The following ZNF12 variants were observed in gnomAD, a reference collection of about 807,000 sequenced individuals.
ZNF12 encodes the protein zinc finger protein 12.
A neutral mutation model predicts 66.6 loss-of-function variants in ZNF12; 34 were observed. The observed-to-expected ratio is 0.51, with a 90% CI of 0.39 to 0.68. The LOEUF is 0.68. Among genes scored for constraint, ZNF12 ranks in the 30% least tolerant of loss-of-function variants. The pLI, the probability that ZNF12 is intolerant of heterozygous loss-of-function variation, is 0.00. For synonymous variants in ZNF12, 320 were observed against 278.9 expected (o/e 1.15, Z -1.47); for missense variants, 697 against 826.9 (o/e 0.84, Z 1.93).
In ZNF12 at chr7:6,706,714, C is replaced by A. The variant is rs1230984766; in HGVS notation, c.-333G>T. 6.4e-5 allele frequency: 16 copies of A among 250,298 alleles called. No individual in the cohort carries two copies. Among genetic ancestry groups the A allele is most frequent in the Non-Finnish European group, 9.4e-5 (12 of 128,012 alleles). 15.5% of individuals were successfully genotyped at this position (250,298 alleles called of 1,614,324 possible). On this transcript the variant is annotated 5_prime_UTR_variant, in exon 1 of 5. Transcript: ENST00000405858. ...GGTCCCGCCGCCCCTTCGCCTCCGC[C>A]GTCGTCACCGCCCGGCCGGCCCCTT...
chr7:6,691,814 TG>T lies in ZNF12; in HGVS notation c.1127del (p.Ser376Ter). The T allele has an allele frequency of 6.2e-7, 1 of 1,614,132 alleles. No individual in the cohort carries two copies. The highest frequency in any genetic ancestry group is 8.5e-7 in the Non-Finnish European group (1 of 1,179,968). On this transcript the variant is annotated frameshift_variant, in exon 5 of 5. Coordinates refer to ENST00000405858, the MANE Select transcript of ZNF12 (RefSeq NM_016265.4). LOFTEE classifies it high-confidence loss of function. ...THLTQHQRTH[S>X]GERPYVCHDC... Reference sequence around the variant, plus strand: ...CATGACAAACATAAGGTCTCTCTCCTGAATGTGTTCTCTGATGTTGTGTGAG... The same window carrying T: ...CATGACAAACATAAGGTCTCTCTCCTAATGTGTTCTCTGATGTTGTGTGAG...
chr7:6,703,809 A>G (rs1780298667), intron 2 of ZNF12, among the ~76,000 whole-genome samples: 1 of 152,234 alleles, frequency 6.6e-6, no homozygotes, highest in African/African-American at 2.4e-5. Flanking sequence ...AGGCAAGAAG[A>G]GAAAGGGCAC....
Position 6,692,488 on chromosome 7 carries a change from C to T in ZNF12, c.454G>A (p.Glu152Lys). ...TAGCTTCCATCACTACTAATATATT[C>T]TGAAACAGACGTTAAACACTTTTCA... ...SCEKCLTSVS[E>K]YISSDGSYAR... is the part of the protein sequence containing the mutation. Residue 152 changes from glutamate (E) to lysine (K), a missense_variant, in exon 5 of 5, where the codon GAA (glutamate) becomes AAA (lysine). Glu to Lys is a moderately conservative substitution (Grantham distance 56). This residue lies in a region of ZNF12 where 241 missense variants were observed against 224.0 expected (regional missense o/e 1.08). Transcript: ENST00000405858. The surrounding 1 kb of genome is among the most constrained non-coding windows in gnomAD (Gnocchi z 5.1). 1 of 1,613,196 alleles carries T rather than the reference C, an allele frequency of 6.2e-7. No individual in the cohort carries two copies. The highest frequency in any genetic ancestry group is 8.5e-7 in the Non-Finnish European group (1 of 1,179,634).
chr7:6,695,654 C>T (rs538418532), intron 4 of ZNF12, among the ~76,000 whole-genome samples: 1 of 152,340 alleles, frequency 6.6e-6, no homozygotes, highest in African/African-American at 2.4e-5. Context: ...TAACATGCCC[C>T]TTTCCTTACA....
Position 6,700,121 on chromosome 7 carries a change from T to A in ZNF12, c.16-2310A>T, listed in dbSNP as rs138715995. The stretch of plus-strand genomic sequence containing the variant: ...TAACACAGTGAAACCCCGTCTCTAC[T>A]AAAAATACAAAAAATTAGCCGGGCG... On this transcript the variant is annotated intron_variant, in intron 2 of 4. Transcript: ENST00000405858. 5.0e-3 allele frequency among the ~76,000 whole-genome samples: 753 copies of A among 150,848 alleles called. 1 individual carries two copies. Among genetic ancestry groups the A allele is most frequent in the Non-Finnish European group, 7.8e-3 (527 of 67,710 alleles).
In ZNF12 at chr7:6,697,824, C is replaced by T. The variant is rs753318461; in HGVS notation, c.16-13G>A. On this transcript the variant is annotated splice_polypyrimidine_tract_variant and intron_variant, in intron 2 of 4. Coordinates refer to ENST00000405858, the MANE Select transcript of ZNF12 (RefSeq NM_016265.4). The surrounding 1 kb of genome is among the most constrained non-coding windows in gnomAD (Gnocchi z 6.1). ...ATGACACTGGCCCCTGAAATGGCAC[C>T]GTGATTGGAATTGGGTGACGTGAAA... 1.7e-5 allele frequency: 28 copies of T among 1,613,862 alleles called. No homozygotes were observed. Among genetic ancestry groups the T allele is most frequent in the Admixed American group, 5.0e-5 (3 of 59,982 alleles).
rs1428273958 is a variant in ZNF12 at position 6,705,717 on chromosome 7, C to T, written c.-50-494G>A. Among the ~76,000 whole-genome samples, 1 of 148,554 alleles carries T rather than the reference C, an allele frequency of 6.7e-6. No homozygotes were observed. Among genetic ancestry groups the T allele is most frequent in the Admixed American group, 6.6e-5 (1 of 15,044 alleles). ...CTGGGCAACAAAGCGAAACTTGTCT[C>T]AAAAACAAACAAACAAACAAACAAA... On this transcript the variant is annotated intron_variant, in intron 1 of 4. Coordinates refer to ENST00000405858, the MANE Select transcript of ZNF12 (RefSeq NM_016265.4). This position sits in a 1 kb window ranked among gnomAD's most constrained non-coding sequence, Gnocchi z 4.0.
rs1353950552 is a variant in ZNF12 at position 6,692,189 on chromosome 7, G to C, written c.753C>G (p.Leu251=). 6.2e-7 allele frequency: 1 copy of C among 1,614,050 alleles called. No individual in the cohort carries two copies. The highest frequency in any genetic ancestry group is 1.1e-5 in the South Asian group (1 of 91,078). ...YKWNGSEIAF[L]QMSDLTVHQT... ...GATGTACAGTGAGGTCCGACATCTGGAGAAAGGCTATTTCAGATCCATTCC... is the reference window on the plus strand; with the variant it reads ...GATGTACAGTGAGGTCCGACATCTGCAGAAAGGCTATTTCAGATCCATTCC... The change falls in exon 5 of 5, where the codon CTC becomes CTG. Residue 251 remains leucine (L), a synonymous_variant. Transcript: ENST00000405858. This position sits in a 1 kb window ranked among gnomAD's most constrained non-coding sequence, Gnocchi z 5.1.
chr7:6,703,627 G>T (rs543545047), intron 2 of ZNF12, among the ~76,000 whole-genome samples: 86 of 152,208 alleles, frequency 5.7e-4, no homozygotes, highest in African/African-American at 1.9e-3. Flanking sequence ...GGGGTCCTTT[G>T]GACACACTCC....
chr7:6,704,230 T>C (rs1357074473), intron 2 of ZNF12: 1 of 151,218 alleles, frequency 6.6e-6, no homozygotes, highest in Non-Finnish European at 1.5e-5. Flanking sequence ...TCGCAGCTAC[T>C]CGGGAGGCTA....
At chr7:6,695,162 G>A (rs201921423) in intron 4 of ZNF12, among the ~76,000 whole-genome samples, 6 of 152,278 alleles carry the variant, frequency 3.9e-5, no homozygotes, top group African/African-American at 1.2e-4. Context: ...TGATCTGCCC[G>A]CCTCGGCCTC....
Position 6,697,434 on chromosome 7 carries a change from C to G in ZNF12, c.143G>C (p.Gly48Ala). 6.2e-7 allele frequency: 1 copy of G among 1,610,406 alleles called. No individual in the cohort carries two copies. Among genetic ancestry groups the G allele is most frequent in the Non-Finnish European group, 8.5e-7 (1 of 1,178,212 alleles). Residue 48 changes from glycine (G) to alanine (A), a missense_variant and splice_region_variant, in exon 4 of 5, where the codon GGG (glycine) becomes GCG (alanine). Around this residue, in one of 3 missense-constraint regions of ZNF12, gnomAD observed 55 missense variants for 83.9 expected, o/e 0.66. Coordinates refer to ENST00000405858, the MANE Select transcript of ZNF12 (RefSeq NM_016265.4). The surrounding 1 kb of genome is among the most constrained non-coding windows in gnomAD (Gnocchi z 6.1). The part of the protein sequence containing the change: ...LENYSNLVSV[G>A]YHIIKPDVIS... The stretch of plus-strand genomic sequence containing the variant: ...AACATCCGGTTTGATAATGTGATAC[C>G]CTGTTAATGAGAAATGAAAGAGAAC...
In ZNF12 at chr7:6,691,487, T is replaced by C. The variant is rs1319584552; in HGVS notation, c.1455A>G (p.Arg485=). 1 of 1,613,662 alleles carries C rather than the reference T, an allele frequency of 6.2e-7. No individual in the cohort carries two copies. ...YLNSALMRHQ[R]VHTGEKPYEC... ...CGTAAGGTTTCTCTCCTGTGTGCAC[T>C]CTCTGATGTCTCATGAGGGCTGAAT... Residue 485 remains arginine (R), a synonymous_variant, in exon 5 of 5, where the codon AGA becomes AGG. Coordinates refer to ENST00000405858, the MANE Select transcript of ZNF12 (RefSeq NM_016265.4).
Position 6,691,828 on chromosome 7 carries a change from G to A in ZNF12, c.1114C>T (p.Gln372Ter). The change falls in exon 5 of 5, where the codon CAG becomes TAG. Residue 372 changes from glutamine to a stop codon, truncating the protein, a stop_gained. Coordinates refer to ENST00000405858, the MANE Select transcript of ZNF12 (RefSeq NM_016265.4). LOFTEE classifies it high-confidence loss of function. ...GGTCTCTCTCCTGAATGTGTTCTCT[G>A]ATGTTGTGTGAGGTGTGTCTTCTGG... Reference protein sequence around the residue: ...FCQKTHLTQHQRTHSGERPYV... With the variant: ...FCQKTHLTQH 1 of 1,614,114 alleles carries A rather than the reference G, an allele frequency of 6.2e-7. No individual in the cohort carries two copies. Among genetic ancestry groups the A allele is most frequent in the South Asian group, 1.1e-5 (1 of 91,076 alleles).
chr7:6,697,707 G>A lies in ZNF12; in HGVS notation c.120C>T (p.Asn40=), dbSNP rs367706354. 1 of 1,614,032 alleles carries A rather than the reference G, an allele frequency of 6.2e-7. No individual in the cohort carries two copies. Among genetic ancestry groups the A allele is most frequent in the Non-Finnish European group, 8.5e-7 (1 of 1,180,024 alleles). ...KITYRDVMLE[N]YSNLVSVGYH... is the part of the protein sequence containing the mutation. ...CACCCACAGAAACTAGATTGCTGTA[G>A]TTCTCCAGCATCACATCCCTGTAAG... is the stretch of plus-strand genomic sequence containing the variant. The change falls in exon 3 of 5, where the codon AAC becomes AAT. Residue 40 remains asparagine (N), a synonymous_variant. Transcript: ENST00000405858. This position sits in a 1 kb window ranked among gnomAD's most constrained non-coding sequence, Gnocchi z 6.1.
At position 6,705,379 on chromosome 7, in the gene ZNF12, G is replaced by A. The variant is rs890833023; in HGVS notation, c.-50-156C>T. On this transcript the variant is annotated intron_variant, in intron 1 of 4. Transcript: ENST00000405858. This position sits in a 1 kb window ranked among gnomAD's most constrained non-coding sequence, Gnocchi z 4.0. ...AGAAGGGATTGGAAAATGATCAGGAGGGGGACCGATCTGCACATTTGAAAC... is the reference window on the plus strand; with the variant it reads ...AGAAGGGATTGGAAAATGATCAGGAAGGGGACCGATCTGCACATTTGAAAC... 3.3e-5 allele frequency among the ~76,000 whole-genome samples: 5 copies of A among 152,356 alleles called. No homozygotes were observed. The highest frequency in any genetic ancestry group is 3.9e-4 in the East Asian group (2 of 5,194).
Position 6,697,421 on chromosome 7 carries a change from G to C in ZNF12, c.156C>G (p.Ile52Met). 6.2e-7 allele frequency: 1 copy of C among 1,611,732 alleles called. No individual in the cohort carries two copies. The highest frequency in any genetic ancestry group is 8.5e-7 in the Non-Finnish European group (1 of 1,178,946). Residue 52 changes from isoleucine to methionine, a missense_variant, in exon 4 of 5, where the codon ATC becomes ATG. Around this residue, in one of 3 missense-constraint regions of ZNF12, gnomAD observed 55 missense variants for 83.9 expected, o/e 0.66. Coordinates refer to ENST00000405858, the MANE Select transcript of ZNF12 (RefSeq NM_016265.4). This position sits in a 1 kb window ranked among gnomAD's most constrained non-coding sequence, Gnocchi z 6.1. ...SNLVSVGYHI[I>M]KPDVISKLEQ... is the part of the protein sequence containing the mutation. Reference sequence around the variant, plus strand: ...CCAACTTGCTGATAACATCCGGTTTGATAATGTGATACCCTGTTAATGAGA... The same window carrying C: ...CCAACTTGCTGATAACATCCGGTTTCATAATGTGATACCCTGTTAATGAGA...
chr7:6,689,551 C>G lies in ZNF12; in HGVS notation c.*1297G>C, dbSNP rs1329992970. On this transcript the variant is annotated 3_prime_UTR_variant, in exon 5 of 5. Coordinates refer to ENST00000405858, the MANE Select transcript of ZNF12 (RefSeq NM_016265.4). ...TTCCTTTTGAGGATAAATGGATAAC[C>G]AAACTCCGCCAGCAGAGTAAGGGAG... 4 of 152,558 alleles carry G rather than the reference C, an allele frequency of 2.6e-5. No homozygotes were observed. Among genetic ancestry groups the G allele is most frequent in the Non-Finnish European group, 5.9e-5 (4 of 68,044 alleles). 9.5% of individuals were successfully genotyped at this position (152,558 alleles called of 1,614,324 possible). A position where few individuals can be genotyped will look rare whatever the true frequency, so the allele number is the denominator to read the frequency against.
chr7:6,699,693 T>C (rs2115352653), intron 2 of ZNF12, among the ~76,000 whole-genome samples: 1 of 152,342 alleles, frequency 6.6e-6, no homozygotes, highest in East Asian at 1.9e-4. Context: ...TCAGCCTGGT[T>C]TCCTTTATTC....
Sources: allele counts gnomAD v4.1 joint callset (sites outside exome capture counted in the v4.1 genomes callset), GRCh38; gene constraint gnomAD v4.1.1; regional missense constraint gnomAD v4.1.1; non-coding constraint Gnocchi (gnomAD v3.1); transcripts MANE v1.5; gene names NCBI Gene and HGNC (gene_info 2026-07-23, HGNC 2026-07-21).